MSI2: variants seen among roughly 807,000 people sequenced by gnomAD.
MSI2 encodes the protein musashi RNA binding protein 2.
Under a neutral mutation model 45.6 loss-of-function variants are expected in MSI2, and 17 were observed. That is an observed-to-expected ratio of 0.37 (90% CI 0.26 to 0.56). MSI2 has a LOEUF of 0.56. Ranked by LOEUF, MSI2 falls within the 20% of genes least tolerant of loss-of-function variation. The probability of loss-of-function intolerance (pLI) is 0.77; values close to 1 mark genes in which losing one functional copy is unlikely to be tolerated. For missense variants in MSI2, 293 were observed against 444.2 expected (o/e 0.66, Z 3.06); for synonymous variants, 156 against 158.2 (o/e 0.99, Z 0.11).
Position 57,350,658 on chromosome 17 carries a change from C to T in MSI2, c.313-50721C>T, listed in dbSNP as rs145609814. Among the ~76,000 whole-genome samples, 381 of 152,248 alleles carry T rather than the reference C, an allele frequency of 2.5e-3. 1 individual carries two copies. Among genetic ancestry groups the T allele is most frequent in the Non-Finnish European group, 4.1e-3 (278 of 68,002 alleles). On this transcript the variant is annotated intron_variant, in intron 5 of 13. Transcript: ENST00000284073. ...GCCTTTGCGCAGGGGATCCCTGGCC[C>T]GGAAAGTGCTCAACCCCATCTTGTC...
chr17:57,667,885 G>T (rs1055993345), intron 11 of MSI2, among the ~76,000 whole-genome samples: 2 of 152,200 alleles, frequency 1.3e-5, no homozygotes, highest in African/African-American at 4.8e-5. Context: ...TACAGACTCA[G>T]ATCAGGGCTG....
intron 7 of MSI2, among the ~76,000 whole-genome samples, chr17:57,588,427 C>T (rs1445326356): frequency 1.3e-5 from 2 of 152,210 alleles, no homozygotes; most frequent in Non-Finnish European, 2.9e-5. Flanking sequence ...CTTCTAGCAT[C>T]AAGTCTGGCA....
chr17:57,500,486 C>T (rs377558845), intron 6 of MSI2, among the ~76,000 whole-genome samples: 20 of 150,000 alleles, frequency 1.3e-4, no homozygotes, highest in African/African-American at 1.5e-4. Flanking sequence ...AGAGGAGGAG[C>T]GAGCTCTGGA....
intron 5 of MSI2, among the ~76,000 whole-genome samples, chr17:57,321,961 T>C (rs9941398): frequency 0.73 from 110,253 of 151,936 alleles, 42,217 homozygotes; most frequent in East Asian, 0.86. Flanking sequence ...CATGCCCGGC[T>C]AGTTTTTGTA....
intron 5 of MSI2, among the ~76,000 whole-genome samples, chr17:57,269,784 T>C (rs1218451159): frequency 6.6e-6 from 1 of 152,188 alleles, no homozygotes; most frequent in Non-Finnish European, 1.5e-5. Context: ...GTCCCGTGGC[T>C]CAGAGCAGTC....
At chr17:57,549,599 T>A (rs1416140515) in intron 7 of MSI2, among the ~76,000 whole-genome samples, 1 of 152,252 alleles carries the variant, frequency 6.6e-6, no homozygotes, top group Non-Finnish European at 1.5e-5. Context: ...ATAGTCATTG[T>A]AGGCACTGCT....
chr17:57,348,786 C>T (rs987740958), intron 5 of MSI2, among the ~76,000 whole-genome samples: 1 of 152,172 alleles, frequency 6.6e-6, no homozygotes, highest in Admixed American at 6.5e-5. Context: ...TGGACTAACC[C>T]AATGACCTAT....
chr17:57,511,921 A>G (rs896560503), intron 6 of MSI2, among the ~76,000 whole-genome samples: 1 of 152,162 alleles, frequency 6.6e-6, no homozygotes, highest in African/African-American at 2.4e-5. Flanking sequence ...CCCGTGGCTT[A>G]CATTCCACTC....
At chr17:57,505,855 T>C (rs373260646) in intron 6 of MSI2, among the ~76,000 whole-genome samples, 1 of 152,198 alleles carries the variant, frequency 6.6e-6, no homozygotes, top group Non-Finnish European at 1.5e-5. Flanking sequence ...GTAGATTTCT[T>C]TCTCTGGAAC....
At chr17:57,447,888 G>C (rs1248562877) in intron 6 of MSI2, among the ~76,000 whole-genome samples, 1 of 152,182 alleles carries the variant, frequency 6.6e-6, no homozygotes, top group African/African-American at 2.4e-5. Flanking sequence ...TGGGGATAGA[G>C]ATGAGACCAA....
the MSI2 span, among the ~76,000 whole-genome samples, chr17:57,699,928 C>T: frequency 8.5e-5 from 13 of 152,230 alleles, no homozygotes; most frequent in Non-Finnish European, 1.8e-4. Flanking sequence ...GGCGAGCCAG[C>T]CCATAGCATC....
At chr17:57,427,786 G>A (rs545329633) in intron 6 of MSI2, among the ~76,000 whole-genome samples, 23 of 152,064 alleles carry the variant, frequency 1.5e-4, no homozygotes, top group Non-Finnish European at 3.1e-4. Context: ...ATATTTGATC[G>A]GCTTTTAATG....
intron 5 of MSI2, among the ~76,000 whole-genome samples, chr17:57,295,000 C>G (rs1238472637): frequency 6.6e-6 from 1 of 152,082 alleles, no homozygotes; most frequent in Non-Finnish European, 1.5e-5. Context: ...GTTTCAGGAC[C>G]ACCGAGCAGA....
intron 9 of MSI2, chr17:57,618,539 GTC>G (rs1383682258): frequency 6.6e-6 from 1 of 152,392 alleles, no homozygotes; most frequent in Non-Finnish European, 1.5e-5. Context: ...GTAAGACCCT[GTC>G]TCTCTCTTTC....
At chr17:57,483,068 CA>C (rs1166938200) in intron 6 of MSI2, among the ~76,000 whole-genome samples, 1 of 152,152 alleles carries the variant, frequency 6.6e-6, no homozygotes, top group African/African-American at 2.4e-5. Context: ...CTGACCATAA[CA>C]TTTCTTAATT....
chr17:57,689,962 G>T, the MSI2 span, among the ~76,000 whole-genome samples: 3 of 152,124 alleles, frequency 2.0e-5, no homozygotes, highest in South Asian at 2.1e-4. Flanking sequence ...TCATGGACAG[G>T]TTTTTGGTGA....
At chr17:57,329,039 A>C (rs1914049747) in intron 5 of MSI2, among the ~76,000 whole-genome samples, 1 of 151,162 alleles carries the variant, frequency 6.6e-6, no homozygotes, top group African/African-American at 2.4e-5. Context: ...GGTTGCAGTG[A>C]GCCAAGATTG....
At chr17:57,451,164 G>T (rs1185485084) in intron 6 of MSI2, among the ~76,000 whole-genome samples, 2 of 152,150 alleles carry the variant, frequency 1.3e-5, no homozygotes, top group African/African-American at 4.8e-5. Flanking sequence ...TGAGCTTCCC[G>T]TGCCTTTAGC....
At chr17:57,577,785 A>G (rs1481916467) in intron 7 of MSI2, among the ~76,000 whole-genome samples, 3 of 152,194 alleles carry the variant, frequency 2.0e-5, no homozygotes, top group African/African-American at 4.8e-5. Flanking sequence ...ATGCCTCTTA[A>G]TTCATTTGGC....
Sources: allele counts gnomAD v4.1 joint callset (sites outside exome capture counted in the v4.1 genomes callset), GRCh38; gene constraint gnomAD v4.1.1; transcripts MANE v1.5; gene names NCBI Gene and HGNC (gene_info 2026-07-23, HGNC 2026-07-21).